The following RB1 variants were observed in gnomAD, a reference collection of about 807,000 sequenced individuals.
RB1 encodes the protein retinoblastoma-associated protein.
In RB1, 18 loss-of-function variants were observed where a neutral mutation model predicts 135.4. The ratio of observed to expected loss-of-function variants is 0.13; its 90% CI spans 0.09 to 0.20. The LOEUF is 0.20. Ranked by LOEUF, RB1 falls within the 10% of genes least tolerant of loss-of-function variation. The probability of loss-of-function intolerance (pLI) is 1.00; values close to 1 mark genes in which losing one functional copy is unlikely to be tolerated. For missense variants in RB1, 868 were observed against 1,110.0 expected, an observed-to-expected ratio of 0.78 and a Z score of 3.10; for synonymous variants, 365 against 373.2, an observed-to-expected ratio of 0.98 and a Z score of 0.25.
At position 48,444,911 on chromosome 13, in the gene RB1, A is replaced by G. The variant is rs1368519875; in HGVS notation, c.1696-8082A>G. 2.6e-5 allele frequency: 4 copies of G among 152,204 alleles called. No individual in the cohort carries two copies. The East Asian group carries it at 7.7e-4, about 29-fold the overall frequency. 9.4% of individuals were successfully genotyped at this position (152,204 alleles called of 1,614,324 possible). A position where few individuals can be genotyped will look rare whatever the true frequency, so the allele number is the denominator to read the frequency against. ...GAGGCCTACCACACCAAACGTTATA[A>G]CAACACAACAGTTTTTATATATTTT... On this transcript the variant is annotated intron_variant, in intron 17 of 26. Transcript: ENST00000267163.
At chr13:48,343,852 TC>T (rs1952468731) in intron 3 of RB1, among the ~76,000 whole-genome samples, 1 of 152,244 alleles carries the variant, frequency 6.6e-6, no homozygotes, top group South Asian at 2.1e-4. Flanking sequence ...ATTTGCTTTT[TC>T]ACATAGCTTG....
intron 6 of RB1, among the ~76,000 whole-genome samples, chr13:48,349,606 G>T (rs191999295): frequency 6.6e-6 from 1 of 151,876 alleles, no homozygotes; most frequent in East Asian, 1.9e-4. Flanking sequence ...ACTAAAGGAA[G>T]ACAGAAAGGA....
chr13:48,477,040 G>A (rs1566241072), intron 25 of RB1, among the ~76,000 whole-genome samples, 197 bp downstream of exon 25: 1 of 152,176 alleles, frequency 6.6e-6, no homozygotes, highest in Non-Finnish European at 1.5e-5. Context: ...AACATTCAGT[G>A]AAGATATCTA....
chr13:48,452,042 A>T (rs1949330901), intron 17 of RB1, among the ~76,000 whole-genome samples: 2 of 150,302 alleles, frequency 1.3e-5, no homozygotes, highest in South Asian at 4.2e-4. Flanking sequence ...TATTTTATTA[A>T]TTTTTTCAAA....
At chr13:48,447,562 C>T (rs998323355) in intron 17 of RB1, among the ~76,000 whole-genome samples, 5 of 152,088 alleles carry the variant, frequency 3.3e-5, no homozygotes, top group African/African-American at 1.2e-4. Context: ...AAGCACTGTT[C>T]CCAATTCTTA....
chr13:48,411,442 G>T, intron 17 of RB1: 1 of 1,613,228 alleles, frequency 6.2e-7, no homozygotes, highest in Non-Finnish European at 8.5e-7. Flanking sequence ...TGTAGGTTAT[G>T]CTGAATAAAA....
intron 17 of RB1, among the ~76,000 whole-genome samples, chr13:48,446,061 G>A (rs755297793): frequency 2.0e-5 from 3 of 152,154 alleles, no homozygotes; most frequent in Non-Finnish European, 4.4e-5. Context: ...GGGTTCAAGC[G>A]ATTCTCCTGC....
chr13:48,456,435 A>AT, intron 19 of RB1, 86 bp downstream of exon 19: 1 of 1,528,590 alleles, frequency 6.5e-7, no homozygotes, highest in Admixed American at 1.9e-5. Context: ...TTCTAGGTAC[A>AT]TTACTGGGCA....
At chr13:48,328,418 T>G (rs2138065496) in intron 2 of RB1, 1 of 1,376,460 alleles carries the variant, frequency 7.3e-7, no homozygotes, top group Non-Finnish European at 1.0e-6. Context: ...TGGAGATCTT[T>G]GCAGGCTTTG....
At chr13:48,328,524 CT>C in intron 2 of RB1, 1 of 762,282 alleles carries the variant, frequency 1.3e-6, no homozygotes, top group Non-Finnish European at 2.4e-6. Context: ...CTCATTGCGA[CT>C]TTTCCGGCTT....
chr13:48,317,559 A>C (rs1047124910), intron 2 of RB1: 1 of 437,488 alleles, frequency 2.3e-6, no homozygotes, highest in African/African-American at 2.1e-5. Context: ...TGGGCAGCTG[A>C]ATAAAAGCAC....
In RB1 at chr13:48,368,505, G is replaced by T. The variant is rs1350553464; in HGVS notation, c.1050-22G>T. On this transcript the variant is annotated intron_variant, in intron 10 of 26. Coordinates refer to ENST00000267163, the MANE Select transcript of RB1 (RefSeq NM_000321.3). ...AATTGTAAATTTTCAGTATGTGAATGACTTCACTTATTGTTATTTAGTTTT... is the reference window on the plus strand; with the variant it reads ...AATTGTAAATTTTCAGTATGTGAATTACTTCACTTATTGTTATTTAGTTTT... 3 of 1,612,274 alleles carry T rather than the reference G, an allele frequency of 1.9e-6. No individual in the cohort carries two copies. In the Admixed American group the frequency reaches 5.0e-5, roughly 27 times the overall value.
intron 3 of RB1, among the ~76,000 whole-genome samples, chr13:48,343,699 G>C (rs1334292996): frequency 6.6e-6 from 1 of 152,100 alleles, no homozygotes; most frequent in East Asian, 1.9e-4. Flanking sequence ...CAAAAAAACT[G>C]GAACTGAGAG....
intron 2 of RB1, among the ~76,000 whole-genome samples, chr13:48,312,825 T>G (rs1315728667): frequency 1.3e-5 from 2 of 152,206 alleles, no homozygotes; most frequent in East Asian, 3.8e-4. Context: ...TTCTGACTAG[T>G]CTCTTCTTTT....
In RB1 at chr13:48,319,371, TG is replaced by T. The variant is rs1952214607; in HGVS notation, c.264+11967del. ...GCGTGTTTGCCGCAGCTAGTACACC[TG>T]GATGGCCTCCTCAGTGCCGTCGTTG... is the stretch of plus-strand genomic sequence containing the variant. On this transcript the variant is annotated intron_variant, in intron 2 of 26. Transcript: ENST00000267163. This position sits in a 1 kb window ranked among gnomAD's most constrained non-coding sequence, Gnocchi z 5.0. 1 of 462,350 alleles carries T rather than the reference TG, an allele frequency of 2.2e-6. No individual in the cohort carries two copies. The highest frequency in any genetic ancestry group is 4.0e-6 in the Non-Finnish European group (1 of 249,044). The allele number at this position is 462,350 out of a possible 1,614,324, so 28.6% of individuals were successfully genotyped here. A position where few individuals can be genotyped will look rare whatever the true frequency, so the allele number is the denominator to read the frequency against.
At chr13:48,371,400 C>T (rs963054004) in intron 11 of RB1, among the ~76,000 whole-genome samples, 1 of 152,050 alleles carries the variant, frequency 6.6e-6, no homozygotes, top group Non-Finnish European at 1.5e-5. Flanking sequence ...TTTTGTGTCC[C>T]ATTCCACTGA....
At chr13:48,409,713 T>C (rs925304020) in intron 17 of RB1, among the ~76,000 whole-genome samples, 5 of 150,912 alleles carry the variant, frequency 3.3e-5, no homozygotes, top group African/African-American at 1.2e-4. Context: ...CCCGAGTAGC[T>C]GGGACTACAG....
rs984024626 is a variant in RB1 at position 48,432,092 on chromosome 13, G to C, written c.1696-20901G>C. ...AGAAAAATAATTTAGGAGGAAAAAG[G>C]GGGTGGGCTTTTACTGTTCTACATA... On this transcript the variant is annotated intron_variant, in intron 17 of 26. Transcript: ENST00000267163. 2.0e-5 allele frequency among the ~76,000 whole-genome samples: 3 copies of C among 152,148 alleles called. No homozygotes were observed. The South Asian group carries it at 6.2e-4, about 32-fold the overall frequency.
At chr13:48,379,688 G>T in intron 14 of RB1, 38 bp downstream of exon 14, 5 of 1,586,938 alleles carry the variant, frequency 3.2e-6, no homozygotes, top group Non-Finnish European at 4.3e-6. Flanking sequence ...TCAGCCGGGC[G>T]CGGTGGCTCA....
Sources: gnomAD v4.1 joint callset for allele counts (sites outside exome capture counted in the v4.1 genomes callset) on GRCh38, gnomAD v4.1.1 for gene constraint, Gnocchi (gnomAD v3.1) non-coding constraint, MANE v1.5 for transcripts, NCBI Gene and HGNC (gene_info 2026-07-23, HGNC 2026-07-21) for gene names.